Variants in ADPRHL1 observed in about 807,000 individuals in gnomAD.
The protein encoded by ADPRHL1 is inactive ADP-ribosyltransferase ARH2.
ADPRHL1 carries 43 observed loss-of-function variants against 44.1 expected under a neutral mutation model. The observed-to-expected ratio is 0.98, with a 90% CI of 0.76 to 1.26. The LOEUF is 1.26. Among genes scored for constraint, ADPRHL1 ranks in the 50% most tolerant of loss-of-function variants. The pLI is 0.00. For missense variants in ADPRHL1, 2,022 were observed against 2,496.9 expected (o/e 0.81, Z 4.05); for synonymous variants, 878 against 1,017.4 (o/e 0.86, Z 2.61).
intron 1 of ADPRHL1, among the ~76,000 whole-genome samples, chr13:113,451,298 G>C (rs1464407454): frequency 3.3e-5 from 5 of 152,146 alleles, no homozygotes; most frequent in African/African-American, 1.2e-4. Context: ...TCTATATCTG[G>C]TATAACTATT....
At chr13:113,424,946 C>T in intron 5 of ADPRHL1, 106 bp downstream of exon 5, 1 of 1,329,540 alleles carries the variant, frequency 7.5e-7, no homozygotes, top group Non-Finnish European at 1.0e-6. Context: ...ATCCATCTAT[C>T]CATCCATCCA....
intron 3 of ADPRHL1, among the ~76,000 whole-genome samples, chr13:113,430,802 T>C (rs2044001672): frequency 1.3e-5 from 2 of 149,856 alleles, no homozygotes; most frequent in Non-Finnish European, 3.0e-5. Context: ...ACAGCAGCAG[T>C]AGGGATGGTG....
intron 2 of ADPRHL1, among the ~76,000 whole-genome samples, chr13:113,437,785 G>C (rs2044071980): frequency 6.6e-6 from 1 of 152,298 alleles, no homozygotes; most frequent in South Asian, 2.1e-4. Flanking sequence ...CTCTTCTCTT[G>C]GGCGAATGCT....
In ADPRHL1 at chr13:113,405,784, A is replaced by C. The variant is rs1279656875; in HGVS notation, c.3498T>G (p.Pro1166=). 48 of 1,231,636 alleles carry C rather than the reference A, an allele frequency of 3.9e-5. No individual in the cohort carries two copies. The highest frequency in any genetic ancestry group is 4.6e-5 in the Non-Finnish European group (45 of 988,002). The allele number at this position is 1,231,636 out of a possible 1,614,324, so 76.3% of individuals were successfully genotyped here. Residue 1166 remains proline, a synonymous_variant, in exon 8 of 8, where the codon CCT becomes CCG. Transcript: ENST00000612156. ...SESHPRGEAL[P]RDPHSHGLLA... ...GGAGGCCGTGGCTGTGAGGGTCTCG[A>C]GGGAGAGCCTCTCCTCTGGGGTGGC...
Position 113,400,232 on chromosome 13 carries a change from A to C in ADPRHL1, c.*3146T>G, listed in dbSNP as rs374435496. On this transcript the variant is annotated 3_prime_UTR_variant, in exon 8 of 8. Transcript: ENST00000612156. ...GCAATCTCGGCTCACTGCAAGCTCC[A>C]CCTCCCGGGTTCACGCCATTCTCCT... 7.5e-6 allele frequency: 1 copy of C among 132,890 alleles called. No homozygotes were observed. Among genetic ancestry groups the C allele is most frequent in the Non-Finnish European group, 1.6e-5 (1 of 62,954 alleles). 8.2% of individuals were successfully genotyped at this position (132,890 alleles called of 1,614,324 possible). A position where few individuals can be genotyped will look rare whatever the true frequency, so the allele number is the denominator to read the frequency against.
intron 7 of ADPRHL1, among the ~76,000 whole-genome samples, chr13:113,421,666 T>C (rs2043924609): frequency 6.6e-6 from 1 of 152,202 alleles, no homozygotes; most frequent in Non-Finnish European, 1.5e-5. Flanking sequence ...CACCAGCCTC[T>C]CTTGCCAGTC....
In ADPRHL1 at chr13:113,404,971, C is replaced by G; in HGVS notation, c.4311G>C (p.Gln1437His). 5.7e-6 allele frequency: 7 copies of G among 1,235,244 alleles called. No homozygotes were observed. The highest frequency in any genetic ancestry group is 1.5e-5 in the African/African-American group (1 of 64,586). The allele number at this position is 1,235,244 out of a possible 1,614,324, so 76.5% of individuals were successfully genotyped here. A position where few individuals can be genotyped will look rare whatever the true frequency, so the allele number is the denominator to read the frequency against. Reference protein sequence around the residue: ...GMAIGVGGACQRSDQGQQHLQ... With the variant: ...GMAIGVGGACHRSDQGQQHLQ... ...GATGCTGCTGACCTTGGTCACTGCG[C>G]TGGCAGGCGCCCCCAACCCCAATGG... Residue 1437 changes from glutamine (Q) to histidine (H), a missense_variant, in exon 8 of 8, where the codon CAG (glutamine) becomes CAC (histidine). Physicochemically the swap from Gln to His is conservative, Grantham distance 24. Coordinates refer to ENST00000612156, the MANE Select transcript of ADPRHL1 (RefSeq NM_001394807.1).
rs1595533271 is a variant in ADPRHL1 at position 113,400,554 on chromosome 13, A to G, written c.*2824T>C. On this transcript the variant is annotated 3_prime_UTR_variant, in exon 8 of 8. Transcript: ENST00000612156. The stretch of plus-strand genomic sequence containing the variant: ...CCCATTCTTCTGCTGTAGTTATTTC[A>G]CCCCGGGAGGGTGTGGGCCTTAGCC... 1.3e-5 allele frequency: 2 copies of G among 149,096 alleles called. No individual in the cohort carries two copies. The highest frequency in any genetic ancestry group is 5.0e-5 in the African/African-American group (2 of 40,224). 9.2% of individuals were successfully genotyped at this position (149,096 alleles called of 1,614,324 possible).
intron 7 of ADPRHL1, among the ~76,000 whole-genome samples, chr13:113,416,363 G>T (rs1566469245): frequency 6.6e-6 from 1 of 152,196 alleles, no homozygotes; most frequent in Non-Finnish European, 1.5e-5. Flanking sequence ...CCCACAAAGG[G>T]GCGTCTGGTA....
At chr13:113,408,333 T>A (rs1335838151) in intron 7 of ADPRHL1, 113 bp from the exon 8 acceptor site, 5 of 1,104,486 alleles carry the variant, frequency 4.5e-6, no homozygotes, top group Admixed American at 8.5e-5. Context: ...AAAAGTCTGG[T>A]AGGGAGAAAA....
At chr13:113,425,838 G>A (rs2043964596) in intron 4 of ADPRHL1, among the ~76,000 whole-genome samples, 1 of 151,624 alleles carries the variant, frequency 6.6e-6, no homozygotes, top group South Asian at 2.1e-4. Flanking sequence ...CCACCACCAC[G>A]CCCGGCTAAT....
In ADPRHL1 at chr13:113,404,116, T is replaced by C. The variant is rs71446961; in HGVS notation, c.5166A>G (p.Glu1722=). ...CTTTCTGGGCCTGTTCCCGAGCCCG[T>C]TCCTGAGCCCCTTTCTGGGCCTGTT... is the stretch of plus-strand genomic sequence containing the variant. ...AREQAQKGAQ[E]RAREQAQKGA... The change falls in exon 8 of 8, where the codon GAA becomes GAG. Residue 1722 remains glutamate (E), a synonymous_variant. Coordinates refer to ENST00000612156, the MANE Select transcript of ADPRHL1 (RefSeq NM_001394807.1). 1.7e-4 allele frequency: 129 copies of C among 763,660 alleles called. No homozygotes were observed. The African/African-American group carries it at 3.4e-3, about 20-fold the overall frequency. The allele number at this position is 763,660 out of a possible 1,614,324, so 47.3% of individuals were successfully genotyped here. A position where few individuals can be genotyped will look rare whatever the true frequency, so the allele number is the denominator to read the frequency against.
Position 113,405,691 on chromosome 13 carries a change from G to A in ADPRHL1, c.3591C>T (p.Ala1197=). The A allele has an allele frequency of 8.1e-7, 1 of 1,232,026 alleles. No individual in the cohort carries two copies. Among genetic ancestry groups the A allele is most frequent in the Non-Finnish European group, 1.0e-6 (1 of 988,200 alleles). The allele number at this position is 1,232,026 out of a possible 1,614,324, so 76.3% of individuals were successfully genotyped here. ...CAATGTCCTCTGGGTGCTGGACGAG[G>A]GCCACGCCTCTCAGGAGGCTCCTCC... ...AAGRSLLRGV[A]LVQHPEDIAT... is the part of the protein sequence containing the mutation. The change falls in exon 8 of 8, where the codon GCC becomes GCT. Residue 1197 remains alanine, a synonymous_variant. Coordinates refer to ENST00000612156, the MANE Select transcript of ADPRHL1 (RefSeq NM_001394807.1).
chr13:113,433,759 G>A lies in ADPRHL1; in HGVS notation c.488C>T (p.Thr163Ile), dbSNP rs139075628. ...IEVSVECGRM[T>I]HNHPTGFLGS... ...ACACTTACCTGTGGGATGGTTGTGG[G>A]TCATCCGGCCGCACTCCACGCTGAC... The change falls in exon 3 of 8, where the codon ACC (threonine) becomes ATC (isoleucine). Residue 163 changes from threonine (T) to isoleucine (I), a missense_variant. Physicochemically the swap from Thr to Ile is moderately conservative, Grantham distance 89 (BLOSUM62 -1). Around this residue, in one of 8 missense-constraint regions of ADPRHL1, gnomAD observed 437 missense variants for 430.7 expected, o/e 1.01. Transcript: ENST00000612156. 37,841 of 1,595,638 alleles carry A rather than the reference G, an allele frequency of 0.024. 551 individuals are homozygous for A. The highest frequency in any genetic ancestry group is 0.026 in the Non-Finnish European group (30,690 of 1,173,428).
At chr13:113,411,166 T>C (rs183131982) in intron 7 of ADPRHL1, among the ~76,000 whole-genome samples, 173 of 152,220 alleles carry the variant, frequency 1.1e-3, no homozygotes, top group African/African-American at 4.1e-3. Context: ...ACCGTCCAAA[T>C]AGAAAGATGA....
At chr13:113,431,122 A>C (rs536247398) in intron 3 of ADPRHL1, among the ~76,000 whole-genome samples, 89 of 152,194 alleles carry the variant, frequency 5.8e-4, no homozygotes, top group Middle Eastern at 3.4e-3. Flanking sequence ...GCCTGCTGTC[A>C]CGGCGCCATT....
chr13:113,409,754 T>C lies in ADPRHL1; in HGVS notation c.1062-1534A>G. On this transcript the variant is annotated intron_variant, in intron 7 of 7. Transcript: ENST00000612156. The surrounding 1 kb of genome is among the most constrained non-coding windows in gnomAD (Gnocchi z 4.2). ...ATAAAAAAAAATCAGCCGGGCGTGG[T>C]GGCGGGCGCCTGTAGTCCCAGCTAC... 2 of 641,700 alleles carry C rather than the reference T, an allele frequency of 3.1e-6. No homozygotes were observed. Among genetic ancestry groups the C allele is most frequent in the Non-Finnish European group, 3.9e-6 (2 of 516,600 alleles). 39.8% of individuals were successfully genotyped at this position (641,700 alleles called of 1,614,324 possible).
chr13:113,423,149 C>T (rs1239030947), intron 6 of ADPRHL1, among the ~76,000 whole-genome samples, 170 bp from the exon 7 acceptor site: 1 of 152,122 alleles, frequency 6.6e-6, no homozygotes, highest in African/African-American at 2.4e-5. Context: ...CCCAGCTACA[C>T]AGGCGGCTGA....
At chr13:113,410,118 C>A in intron 7 of ADPRHL1, 6 of 985,372 alleles carry the variant, frequency 6.1e-6, no homozygotes, top group Non-Finnish European at 7.2e-6. Context: ...CGTGGGCACG[C>A]GATGACCCAG....
Sources: allele counts gnomAD v4.1 joint callset (sites outside exome capture counted in the v4.1 genomes callset), GRCh38; gene constraint gnomAD v4.1.1; regional missense constraint gnomAD v4.1.1; non-coding constraint Gnocchi (gnomAD v3.1); transcripts MANE v1.5; gene names NCBI Gene and HGNC (gene_info 2026-07-23, HGNC 2026-07-21).